Variants in WWC2 observed in about 807,000 individuals in gnomAD.
WWC2 encodes the protein protein WWC2.
A neutral mutation model predicts 138.5 loss-of-function variants in WWC2; 101 were observed. That is an observed-to-expected ratio of 0.73 (90% confidence interval 0.62 to 0.86). WWC2 has a LOEUF of 0.86. Ranked by LOEUF, WWC2 falls within the 40% of genes least tolerant of loss-of-function variation. The pLI, the probability that WWC2 is intolerant of heterozygous loss-of-function variation, is 0.00. For missense variants in WWC2, 1,420 were observed against 1,419.4 expected, an observed-to-expected ratio of 1.00 and a Z score of -0.01; for synonymous variants, 558 against 538.4, an observed-to-expected ratio of 1.04 and a Z score of -0.50.
At chr4:183,153,110 G>T (rs79599788) in intron 1 of WWC2, among the ~76,000 whole-genome samples, 2,809 of 152,152 alleles carry the variant, frequency 0.018, 76 homozygotes, top group African/African-American at 0.063. Context: ...TCTTTATGTT[G>T]CCTAAGCTGG....
At chr4:183,170,940 A>G (rs1463870345) in intron 1 of WWC2, among the ~76,000 whole-genome samples, 1 of 151,938 alleles carries the variant, frequency 6.6e-6, no homozygotes, top group Non-Finnish European at 1.5e-5. Context: ...TCAGTCTCCT[A>G]TTATGACATT....
intron 2 of WWC2, among the ~76,000 whole-genome samples, chr4:183,197,861 A>G (rs1735187753): frequency 6.6e-6 from 1 of 152,294 alleles, no homozygotes; most frequent in South Asian, 2.1e-4. Flanking sequence ...ATCAAGGTAC[A>G]AACTTTGTCC....
chr4:183,162,584 C>T (rs1282141199), intron 1 of WWC2, among the ~76,000 whole-genome samples: 1 of 152,174 alleles, frequency 6.6e-6, no homozygotes, highest in Non-Finnish European at 1.5e-5. Flanking sequence ...CCTTGTCCTC[C>T]AGCTGCTCCT....
chr4:183,268,830 C>T lies in WWC2; in HGVS notation c.2208-141C>T, dbSNP rs140991742. ...GCATCTATGCAGCTGAGCACGGACC[C>T]GTGATGGCAGCAACACTTTAGATTG... On this transcript the variant is annotated intron_variant, in intron 14 of 22. Transcript: ENST00000403733. 2.9e-3 allele frequency: 2,778 copies of T among 951,112 alleles called. 16 individuals are homozygous for T. Among genetic ancestry groups the T allele is most frequent in the Middle Eastern group, 0.014 (40 of 2,958 alleles). 58.9% of individuals were successfully genotyped at this position (951,112 alleles called of 1,614,324 possible).
chr4:183,270,179 A>T (rs1157368821), intron 15 of WWC2: 1 of 152,248 alleles, frequency 6.6e-6, no homozygotes, highest in African/African-American at 2.4e-5. Flanking sequence ...CTTTAGTATC[A>T]TAGATGTCAT....
intron 5 of WWC2, among the ~76,000 whole-genome samples, chr4:183,242,195 C>T (rs973732828): frequency 5.9e-5 from 9 of 152,128 alleles, no homozygotes; most frequent in African/African-American, 1.9e-4. Context: ...ACTACTAAAA[C>T]ACTGAATGAT....
At chr4:183,313,711 G>A (rs761362406) in intron 22 of WWC2, among the ~76,000 whole-genome samples, 1 of 151,650 alleles carries the variant, frequency 6.6e-6, no homozygotes, top group African/African-American at 2.4e-5. Flanking sequence ...GAGGCTGGTG[G>A]GCACCAATCA....
intron 21 of WWC2, among the ~76,000 whole-genome samples, chr4:183,303,665 T>C (rs1404151192): frequency 6.6e-6 from 1 of 152,216 alleles, no homozygotes; most frequent in Non-Finnish European, 1.5e-5. Context: ...ATTTAATACT[T>C]AATGATAAAT....
chr4:183,172,840 A>C (rs915329128), intron 1 of WWC2, among the ~76,000 whole-genome samples: 3 of 152,062 alleles, frequency 2.0e-5, no homozygotes, highest in Non-Finnish European at 2.9e-5. Context: ...CATGCAAGTC[A>C]GATATTAGAC....
intron 1 of WWC2, among the ~76,000 whole-genome samples, chr4:183,163,617 T>C (rs1734025181): frequency 6.6e-6 from 1 of 152,216 alleles, no homozygotes; most frequent in Non-Finnish European, 1.5e-5. Flanking sequence ...GATACGTCTC[T>C]ATTTCCTTTA....
At chr4:183,149,145 G>A (rs140241701) in intron 1 of WWC2, among the ~76,000 whole-genome samples, 72 of 151,952 alleles carry the variant, frequency 4.7e-4, no homozygotes, top group African/African-American at 1.7e-3. Context: ...GTCATAAAGC[G>A]AATACCCTCC....
intron 1 of WWC2, among the ~76,000 whole-genome samples, chr4:183,157,333 T>C (rs1178772684): frequency 6.6e-6 from 1 of 152,182 alleles, no homozygotes; most frequent in African/African-American, 2.4e-5. Context: ...CAACATACCA[T>C]GTCAGGGGGC....
Position 183,240,261 on chromosome 4 carries a change from CAGTG to C in WWC2, c.602+3_602+6del. The C allele has an allele frequency of 1.3e-6, 2 of 1,548,794 alleles. No homozygotes were observed. Among genetic ancestry groups the C allele is most frequent in the Non-Finnish European group, 1.7e-6 (2 of 1,146,394 alleles). ...AGAACAAGGCTTTGAAACATTGCAG[CAGTG>C]AGTATGAAAAGACTGAATCAACTTT... On this transcript the variant is annotated splice_donor_variant and splice_donor_region_variant and coding_sequence_variant and intron_variant, in exon 5 of 23. Coordinates refer to ENST00000403733, the MANE Select transcript of WWC2 (RefSeq NM_024949.6). LOFTEE classifies it high-confidence loss of function.
At chr4:183,137,642 A>G (rs1475510998) in intron 1 of WWC2, among the ~76,000 whole-genome samples, 2 of 152,038 alleles carry the variant, frequency 1.3e-5, no homozygotes, top group African/African-American at 4.8e-5. Flanking sequence ...GGGACTGTAG[A>G]TGCGCACCAC....
chr4:183,232,706 G>A (rs1356823485), intron 4 of WWC2, among the ~76,000 whole-genome samples: 2 of 152,150 alleles, frequency 1.3e-5, no homozygotes, highest in Non-Finnish European at 2.9e-5. Context: ...GGAGTGCAAT[G>A]GTGCGATCTT....
At chr4:183,100,221 C>T (rs1743130120) in intron 1 of WWC2, among the ~76,000 whole-genome samples, 1 of 152,258 alleles carries the variant, frequency 6.6e-6, no homozygotes, top group Non-Finnish European at 1.5e-5. Context: ...GTTTCGCTGT[C>T]TGTCGTTAGT....
intron 21 of WWC2, among the ~76,000 whole-genome samples, chr4:183,305,940 A>G (rs1019094484): frequency 6.6e-5 from 10 of 152,208 alleles, no homozygotes; most frequent in Non-Finnish European, 1.3e-4. Context: ...ACGTGTGTGT[A>G]TGCTTACGTA....
intron 21 of WWC2, among the ~76,000 whole-genome samples, chr4:183,300,893 C>T (rs1027392232): frequency 6.6e-6 from 1 of 152,102 alleles, no homozygotes; most frequent in Non-Finnish European, 1.5e-5. Flanking sequence ...GGATCCTCTG[C>T]GTTCTATTCC....
chr4:183,167,272 A>G (rs1305603831), intron 1 of WWC2, among the ~76,000 whole-genome samples: 1 of 152,194 alleles, frequency 6.6e-6, no homozygotes, highest in Non-Finnish European at 1.5e-5. Context: ...TTTATTGAGA[A>G]CCTACCGTAT....
Sources: allele counts gnomAD v4.1 joint callset (sites outside exome capture counted in the v4.1 genomes callset), GRCh38; gene constraint gnomAD v4.1.1; transcripts MANE v1.5; gene names NCBI Gene and HGNC (gene_info 2026-07-23, HGNC 2026-07-21).